DPP4: variants seen among roughly 807,000 people sequenced by gnomAD.
The protein encoded by DPP4 is dipeptidyl peptidase 4.
Under a neutral mutation model 122.4 loss-of-function variants are expected in DPP4, and 93 were observed. That is an observed-to-expected ratio of 0.76 (90% CI 0.64 to 0.90). The LOEUF is 0.90. Among genes scored for constraint, DPP4 ranks in the 40% least tolerant of loss-of-function variants. The pLI is 0.00. For missense variants in DPP4, 914 were observed against 907.3 expected, an observed-to-expected ratio of 1.01 and a Z score of -0.09; for synonymous variants, 321 against 302.9, an observed-to-expected ratio of 1.06 and a Z score of -0.62.
chr2:162,033,740 T>C (rs978223838), intron 9 of DPP4, 87 bp from the exon 10 acceptor site: 1 of 776,098 alleles, frequency 1.3e-6, no homozygotes, highest in Non-Finnish European at 2.0e-6. Context: ...CAAAAACGTC[T>C]GCATTATGGT....
At chr2:162,042,118 C>T (rs1262367433) in intron 5 of DPP4, among the ~76,000 whole-genome samples, 1 of 152,156 alleles carries the variant, frequency 6.6e-6, no homozygotes, top group African/African-American at 2.4e-5. Context: ...CATTTAAGAG[C>T]AAAGGCTTTG....
chr2:162,042,622 A>G (rs537530715), intron 5 of DPP4, among the ~76,000 whole-genome samples: 1 of 136,624 alleles, frequency 7.3e-6, no homozygotes, highest in Admixed American at 7.4e-5. Context: ...TCTTGAAAGT[A>G]AAAAAAAAAA....
chr2:162,009,545 G>GTGTGTT (rs1701368945), intron 20 of DPP4, among the ~76,000 whole-genome samples: 1 of 151,376 alleles, frequency 6.6e-6, no homozygotes, highest in African/African-American at 2.4e-5. Context: ...GTGTGTGTGT[G>GTGTGTT]TGTGTGTATG....
chr2:162,051,833 G>C (rs1474977180), intron 2 of DPP4, among the ~76,000 whole-genome samples: 1 of 152,198 alleles, frequency 6.6e-6, no homozygotes. Flanking sequence ...TTGAGCAGCT[G>C]GTTGCTTTGA....
At chr2:162,049,245 G>T (rs1048385212) in intron 2 of DPP4, among the ~76,000 whole-genome samples, 2 of 152,042 alleles carry the variant, frequency 1.3e-5, no homozygotes, top group Admixed American at 1.3e-4. Context: ...ATGTTCTTAA[G>T]ATTTTATTTC....
At chr2:162,003,969 G>A (rs907695243) in intron 23 of DPP4, among the ~76,000 whole-genome samples, 8 of 152,242 alleles carry the variant, frequency 5.3e-5, no homozygotes, top group African/African-American at 1.9e-4. Flanking sequence ...GATTCCAAAG[G>A]GGATGCTACT....
intron 16 of DPP4, 54 bp from the exon 17 acceptor site, chr2:162,017,209 T>C (rs1052754964): frequency 6.0e-6 from 9 of 1,505,666 alleles, no homozygotes; most frequent in Middle Eastern, 2.4e-4. Flanking sequence ...TTAGAAAAGA[T>C]AGTATAGATG....
At chr2:162,053,913 T>C (rs1327343503) in intron 2 of DPP4, among the ~76,000 whole-genome samples, 1 of 152,194 alleles carries the variant, frequency 6.6e-6, no homozygotes, top group Non-Finnish European at 1.5e-5. Context: ...AAGGCTACCC[T>C]TGAGGCCCCA....
At chr2:162,038,593 C>T (rs1281151638) in intron 7 of DPP4, among the ~76,000 whole-genome samples, 171 bp from the exon 8 acceptor site, 2 of 152,090 alleles carry the variant, frequency 1.3e-5, no homozygotes, top group African/African-American at 2.4e-5. Context: ...TACAAGTGTA[C>T]AGCCTATAAT....
chr2:162,065,063 C>T (rs12614077), intron 2 of DPP4, among the ~76,000 whole-genome samples: 3,463 of 152,278 alleles, frequency 0.023, 63 homozygotes, highest in African/African-American at 0.044. Context: ...TGCCCTTCTC[C>T]TTCCATGTGC....
intron 10 of DPP4, among the ~76,000 whole-genome samples, chr2:162,026,067 C>A (rs1683321514): frequency 6.6e-6 from 1 of 152,156 alleles, no homozygotes. Context: ...ACCTGTGGGA[C>A]CTGTCATATT....
chr2:162,070,081 C>T (rs1429258252), intron 2 of DPP4, among the ~76,000 whole-genome samples: 1 of 152,100 alleles, frequency 6.6e-6, no homozygotes, highest in African/African-American at 2.4e-5. Context: ...ATGAAGAGTT[C>T]TACAATTCCA....
chr2:162,060,709 T>G (rs1261730736), intron 2 of DPP4, among the ~76,000 whole-genome samples: 1 of 152,204 alleles, frequency 6.6e-6, no homozygotes, highest in Admixed American at 6.5e-5. Flanking sequence ...CTGTCCCTCC[T>G]GCCATTGTTC....
intron 16 of DPP4, among the ~76,000 whole-genome samples, chr2:162,017,706 G>A (rs965068822): frequency 3.3e-5 from 5 of 152,222 alleles, no homozygotes; most frequent in Non-Finnish European, 7.3e-5. Flanking sequence ...AGCCCATATC[G>A]TCACTGTTTA....
intron 2 of DPP4, among the ~76,000 whole-genome samples, chr2:162,066,238 C>T (rs887683781): frequency 6.6e-6 from 1 of 152,078 alleles, no homozygotes; most frequent in Admixed American, 6.6e-5. Flanking sequence ...CTCCAAAATA[C>T]ATCCTGCGTT....
intron 2 of DPP4, among the ~76,000 whole-genome samples, chr2:162,063,986 A>C (rs961049230): frequency 1.3e-5 from 2 of 152,182 alleles, no homozygotes; most frequent in African/African-American, 4.8e-5. Flanking sequence ...GCACAAACAA[A>C]GGGCCTGGTC....
In DPP4 at chr2:162,005,755, T is replaced by C; in HGVS notation, c.2042A>G (p.Asp681Gly). The stretch of plus-strand genomic sequence containing the variant: ...GTCCTCATCTCTTACTCTGTAATGG[T>C]CAAGGTTGTCTTCTGGAGTTGGGAG... ...MGLPTPEDNL[D>G]HYRNSTVMSR... The change falls in exon 23 of 26, where the codon GAC (aspartate) becomes GGC (glycine). Residue 681 changes from aspartate (D) to glycine (G), a missense_variant. Asp to Gly is a moderately conservative substitution (Grantham distance 94, BLOSUM62 -1). Coordinates refer to ENST00000360534, the MANE Select transcript of DPP4 (RefSeq NM_001935.4). 4.3e-6 allele frequency: 7 copies of C among 1,612,998 alleles called. No homozygotes were observed. The highest frequency in any genetic ancestry group is 5.9e-6 in the Non-Finnish European group (7 of 1,179,406).
In DPP4 at chr2:162,073,469, A is replaced by G. The variant is rs17574; in HGVS notation, c.24T>C (p.Leu8=). 0.33 allele frequency: 525,438 copies of G among 1,613,416 alleles called. 89,960 individuals carry two copies. The highest frequency in any genetic ancestry group is 0.35 in the Non-Finnish European group (418,365 of 1,179,650). The change falls in exon 2 of 26, where the codon CTT becomes CTC. Residue 8 remains leucine, a synonymous_variant. Coordinates refer to ENST00000360534, the MANE Select transcript of DPP4 (RefSeq NM_001935.4). The part of the protein sequence containing the change: MKTPWKV[L]LGLLGAAALV... Reference sequence around the variant, plus strand: ...GCGCAGCAGCACCCAGCAGTCCCAGAAGAACCTTCCACGGTGTCTGCAAGC... The same window carrying G: ...GCGCAGCAGCACCCAGCAGTCCCAGGAGAACCTTCCACGGTGTCTGCAAGC...
At chr2:162,053,006 T>G (rs565522815) in intron 2 of DPP4, among the ~76,000 whole-genome samples, 2 of 152,266 alleles carry the variant, frequency 1.3e-5, no homozygotes, top group African/African-American at 4.8e-5. Context: ...AAAAATGTAT[T>G]CAGGTTGCTG....
Sources: gnomAD v4.1 joint callset for allele counts (sites outside exome capture counted in the v4.1 genomes callset) on GRCh38, gnomAD v4.1.1 for gene constraint, MANE v1.5 for transcripts, NCBI Gene and HGNC (gene_info 2026-07-23, HGNC 2026-07-21) for gene names.